The following DCC variants were observed in gnomAD, a reference collection of about 807,000 sequenced individuals.
DCC encodes the protein DCC netrin 1 receptor, also known as netrin receptor DCC.
In DCC, 58 loss-of-function variants were observed where a neutral mutation model predicts 172.5. That is an observed-to-expected ratio of 0.34 (90% confidence interval 0.27 to 0.42). The LOEUF is 0.42. Among genes scored for constraint, DCC ranks in the 10% least tolerant of loss-of-function variants. DCC has a pLI of 1.00. For missense variants in DCC, 1,740 were observed against 1,791.0 expected (o/e 0.97, Z 0.51); for synonymous variants, 709 against 644.5 (o/e 1.10, Z -1.52).
intron 1 of DCC, among the ~76,000 whole-genome samples, chr18:52,566,885 A>G (rs750673927): frequency 1.3e-5 from 2 of 152,060 alleles, no homozygotes; most frequent in African/African-American, 2.4e-5. Flanking sequence ...CAACTATATG[A>G]CGTACCATAA....
chr18:53,128,864 C>CATAT (rs1253869249), intron 7 of DCC, among the ~76,000 whole-genome samples: 63 of 72,084 alleles, frequency 8.7e-4, no homozygotes, highest in African/African-American at 3.4e-3. Flanking sequence ...CACACACACA[C>CATAT]ACACACATAT....
intron 1 of DCC, among the ~76,000 whole-genome samples, chr18:52,394,347 G>C (rs538976970): frequency 4.9e-4 from 75 of 152,080 alleles, no homozygotes; most frequent in African/African-American, 1.6e-3. Context: ...GCTCACTACA[G>C]CCTTGAACTC....
intron 1 of DCC, among the ~76,000 whole-genome samples, chr18:52,689,430 G>T (rs1326245443): frequency 6.6e-6 from 1 of 152,106 alleles, no homozygotes; most frequent in Non-Finnish European, 1.5e-5. Flanking sequence ...AAAGACTTGT[G>T]TTGGGAAGTA....
At position 53,435,301 on chromosome 18, in the gene DCC, G is replaced by A. The variant is rs138360049; in HGVS notation, c.3229+92G>A. 6,008 of 820,548 alleles carry A rather than the reference G, an allele frequency of 7.3e-3. 78 individuals are homozygous for A. Among genetic ancestry groups the A allele is most frequent in the Admixed American group, 0.031 (1,800 of 58,152 alleles). The allele number at this position is 820,548 out of a possible 1,614,324, so 50.8% of individuals were successfully genotyped here. A position where few individuals can be genotyped will look rare whatever the true frequency, so the allele number is the denominator to read the frequency against. On this transcript the variant is annotated intron_variant, in intron 22 of 28. Transcript: ENST00000442544. Reference sequence around the variant, plus strand: ...GGGGCAAATTTTCTATCAACTACAAGTGCCAGGAACCTTGGATTTAGTGTC... The same window carrying A: ...GGGGCAAATTTTCTATCAACTACAAATGCCAGGAACCTTGGATTTAGTGTC...
chr18:52,358,475 G>T (rs939328117), intron 1 of DCC, among the ~76,000 whole-genome samples: 1 of 152,142 alleles, frequency 6.6e-6, no homozygotes, highest in East Asian at 1.9e-4. Flanking sequence ...ACTTAATTCA[G>T]AGAGTACTTA....
intron 2 of DCC, among the ~76,000 whole-genome samples, chr18:52,802,683 T>TTA (rs1598817767): frequency 9.0e-6 from 1 of 110,578 alleles, no homozygotes; most frequent in Non-Finnish European, 1.8e-5. Flanking sequence ...TTTTTTTTTT[T>TTA]AATGGAGACA....
chr18:52,811,766 GTTT>G (rs2038205512), intron 2 of DCC, among the ~76,000 whole-genome samples: 1 of 152,020 alleles, frequency 6.6e-6, no homozygotes, highest in South Asian at 2.1e-4. Context: ...TTTAAAAAAT[GTTT>G]TTTGCTTCAA....
At chr18:52,593,519 T>C (rs2033846277) in intron 1 of DCC, among the ~76,000 whole-genome samples, 1 of 152,230 alleles carries the variant, frequency 6.6e-6, no homozygotes, top group African/African-American at 2.4e-5. Context: ...TTTGGTGCTT[T>C]CTGCTTTCCT....
chr18:52,411,746 G>A, intron 1 of DCC, among the ~76,000 whole-genome samples: 1 of 152,130 alleles, frequency 6.6e-6, no homozygotes, highest in East Asian at 1.9e-4. Flanking sequence ...GGGCACAAAT[G>A]TCTCTGTCTG....
rs757684530 is a variant in DCC at position 53,468,013 on chromosome 18, G to C, written c.3736+3G>C. On this transcript the variant is annotated splice_donor_region_variant and intron_variant, in intron 25 of 28. Transcript: ENST00000442544. ...GGATGCCCAGTCCAACAATCCTGGT[G>C]AGTCAATATTGGTGCCACAATGAAG... is the stretch of plus-strand genomic sequence containing the variant. The C allele has an allele frequency of 7.1e-7, 1 of 1,407,392 alleles. No individual in the cohort carries two copies. The highest frequency in any genetic ancestry group is 1.0e-6 in the Non-Finnish European group (1 of 991,496). 87.2% of individuals were successfully genotyped at this position (1,407,392 alleles called of 1,614,324 possible). A position where few individuals can be genotyped will look rare whatever the true frequency, so the allele number is the denominator to read the frequency against.
At chr18:52,516,048 T>C (rs1466745622) in intron 1 of DCC, among the ~76,000 whole-genome samples, 3 of 151,006 alleles carry the variant, frequency 2.0e-5, no homozygotes, top group African/African-American at 7.3e-5. Flanking sequence ...GAAACCACAA[T>C]ATAATGTCAC....
At chr18:52,827,622 C>T (rs1247811979) in intron 2 of DCC, among the ~76,000 whole-genome samples, 2 of 152,198 alleles carry the variant, frequency 1.3e-5, no homozygotes, top group Admixed American at 1.3e-4. Flanking sequence ...AATTGGTATT[C>T]TGTTACTTGG....
At chr18:52,524,064 C>T (rs945350427) in intron 1 of DCC, among the ~76,000 whole-genome samples, 1 of 152,132 alleles carries the variant, frequency 6.6e-6, no homozygotes, top group Admixed American at 6.6e-5. Context: ...CACCAAGTTT[C>T]TCTAATATCT....
chr18:52,902,471 CTA>C (rs992110801), intron 2 of DCC, among the ~76,000 whole-genome samples: 9 of 152,132 alleles, frequency 5.9e-5, no homozygotes, highest in African/African-American at 1.9e-4. Context: ...GAGCAGGTAA[CTA>C]TTTTTCACAA....
chr18:53,389,524 C>G (rs1908407077), intron 16 of DCC, among the ~76,000 whole-genome samples: 1 of 152,120 alleles, frequency 6.6e-6, no homozygotes, highest in Non-Finnish European at 1.5e-5. Context: ...TTTTGTTATT[C>G]TAATTTATTT....
At chr18:53,199,509 G>A (rs1192289173) in intron 9 of DCC, among the ~76,000 whole-genome samples, 2 of 151,846 alleles carry the variant, frequency 1.3e-5, no homozygotes, top group Admixed American at 1.3e-4. Flanking sequence ...TTATGGATAT[G>A]GAGCTGAATA....
intron 16 of DCC, among the ~76,000 whole-genome samples, chr18:53,389,989 C>T (rs554025273): frequency 2.0e-5 from 3 of 152,290 alleles, no homozygotes; most frequent in South Asian, 2.1e-4. Context: ...ATGTGTATCA[C>T]GTTCTTCTTG....
chr18:53,120,203 A>T (rs1024783164), intron 7 of DCC, among the ~76,000 whole-genome samples: 1 of 151,832 alleles, frequency 6.6e-6, no homozygotes, highest in African/African-American at 2.4e-5. Flanking sequence ...TTGTGTCTGA[A>T]ACTTCATGGT....
At chr18:52,938,081 C>T (rs965109540) in intron 5 of DCC, among the ~76,000 whole-genome samples, 1 of 152,100 alleles carries the variant, frequency 6.6e-6, no homozygotes, top group Non-Finnish European at 1.5e-5. Flanking sequence ...TGTTATGACA[C>T]GCATTCTCCG....
Sources: allele counts gnomAD v4.1 joint callset (sites outside exome capture counted in the v4.1 genomes callset), GRCh38; gene constraint gnomAD v4.1.1; transcripts MANE v1.5; gene names NCBI Gene and HGNC (gene_info 2026-07-23, HGNC 2026-07-21).